The following DMD variants were observed in gnomAD, a reference collection of about 807,000 sequenced individuals.
DMD encodes the protein dystrophin, also known as mutant dystrophin.
In DMD, 63 loss-of-function variants were observed where a neutral mutation model predicts 330.1. The observed-to-expected ratio is 0.19, with a 90% confidence interval of 0.16 to 0.24. The LOEUF (loss-of-function observed/expected upper bound fraction) is 0.24. DMD is among the 10% of genes least tolerant of loss of function. The pLI is 1.00. For missense variants in DMD, 3,344 were observed against 2,684.1 expected (o/e 1.25, Z -5.43); for synonymous variants, 1,223 against 959.8 (o/e 1.27, Z -5.07).
chrX:33,306,303 G>A (rs1379269888), intron 1 of DMD, among the ~76,000 whole-genome samples: 1 of 111,652 alleles, frequency 9.0e-6, no homozygotes, highest in Non-Finnish European at 1.9e-5. Flanking sequence ...AATTTTTAAT[G>A]CATTTACTTA....
At chrX:32,532,485 C>T (rs764780817) in intron 17 of DMD, among the ~76,000 whole-genome samples, 31 of 112,441 alleles carry the variant, frequency 2.8e-4, no homozygotes, top group Admixed American at 5.7e-4. Context: ...ATCCTAGCTG[C>T]GATGCTTCCT....
intron 44 of DMD, among the ~76,000 whole-genome samples, chrX:32,194,186 A>T (rs1359737837): frequency 1.8e-5 from 2 of 112,470 alleles, no homozygotes; most frequent in African/African-American, 6.5e-5. Flanking sequence ...ATAATTTTGA[A>T]AACAAACTTT....
chrX:32,418,972 C>CAAAAAAAA (rs1160282195), intron 29 of DMD, among the ~76,000 whole-genome samples: 246 of 13,498 alleles, frequency 0.018, 48 homozygotes, highest in African/African-American at 0.053. Context: ...GACTCTGTCT[C>CAAAAAAAA]AAAAAAAAAA....
At chrX:31,217,873 C>G (rs1358129776) in intron 64 of DMD, among the ~76,000 whole-genome samples, 1 of 111,758 alleles carries the variant, frequency 8.9e-6, no homozygotes. Context: ...TTTTGGCATA[C>G]TTGAATCTTT....
chrX:32,684,760 G>C lies in DMD; in HGVS notation c.960+13110C>G, dbSNP rs950456861. The stretch of plus-strand genomic sequence containing the variant: ...ATGATATATGGGCTTTTTCGCTTTT[G>C]TCATTTTCTGGCTCATGTTCTTTAT... On this transcript the variant is annotated intron_variant, in intron 9 of 78. Transcript: ENST00000357033. Among the ~76,000 whole-genome samples the C allele has an allele frequency of 1.8e-5, 2 of 110,876 alleles. 1 individual carries two copies.
intron 50 of DMD, among the ~76,000 whole-genome samples, chrX:31,802,768 G>C (rs2092127027): frequency 8.9e-6 from 1 of 111,780 alleles, no homozygotes. Flanking sequence ...TAAATATGCA[G>C]TATGGAATAC....
At chrX:32,519,678 C>G (rs2046234039) in intron 17 of DMD, among the ~76,000 whole-genome samples, 1 of 111,924 alleles carries the variant, frequency 8.9e-6, no homozygotes, top group South Asian at 3.7e-4. Flanking sequence ...AATTTTTTCA[C>G]ATAAACTATC....
intron 53 of DMD, among the ~76,000 whole-genome samples, chrX:31,662,630 C>CAAG (rs1193531715): frequency 1.1e-5 from 1 of 94,636 alleles, no homozygotes; most frequent in Non-Finnish European, 2.2e-5. Context: ...AAAGGAACTT[C>CAAG]AAGAAAGGCA....
At chrX:31,732,600 C>T (rs2086589070) in intron 51 of DMD, among the ~76,000 whole-genome samples, 1 of 111,045 alleles carries the variant, frequency 9.0e-6, no homozygotes, top group Non-Finnish European at 1.9e-5. Flanking sequence ...CTCAAATAAA[C>T]TGACCTTCAC....
chrX:31,266,745 C>A (rs398124085), intron 62 of DMD: 1 of 1,087,449 alleles, frequency 9.2e-7, no homozygotes, highest in Non-Finnish European at 1.3e-6. Flanking sequence ...CAGCTTGCCC[C>A]CTGCTCGCGC....
At chrX:33,054,689 C>T (rs1037846008) in intron 1 of DMD, among the ~76,000 whole-genome samples, 6 of 111,998 alleles carry the variant, frequency 5.4e-5, no homozygotes, top group Admixed American at 9.5e-5. Context: ...ATGTGGAAAA[C>T]TGAATCACAG....
intron 1 of DMD, among the ~76,000 whole-genome samples, chrX:33,068,594 T>C (rs2094698984): frequency 8.9e-6 from 1 of 112,492 alleles, no homozygotes; most frequent in South Asian, 3.6e-4. Flanking sequence ...TGCTTATGTT[T>C]CCGTGTGAGT....
chrX:32,366,831 C>T (rs1263485840), intron 34 of DMD, among the ~76,000 whole-genome samples: 3 of 111,993 alleles, frequency 2.7e-5, no homozygotes, highest in African/African-American at 9.7e-5. Flanking sequence ...AAGACAAAAA[C>T]ACTGTTTCTT....
intron 1 of DMD, among the ~76,000 whole-genome samples, chrX:33,195,732 T>TTTTGTGTGTG (rs544564743): frequency 1.0e-5 from 1 of 97,703 alleles, no homozygotes; most frequent in Non-Finnish European, 2.1e-5. Flanking sequence ...CTGTTCTATT[T>TTTTGTGTGTG]TGTGTGTGTG....
chrX:31,839,281 A>G (rs2093267796), intron 48 of DMD, among the ~76,000 whole-genome samples: 1 of 112,015 alleles, frequency 8.9e-6, no homozygotes, highest in South Asian at 3.7e-4. Context: ...ATTATCCTCT[A>G]TGAGAGTAAG....
intron 9 of DMD, among the ~76,000 whole-genome samples, chrX:32,680,982 T>C: frequency 8.9e-6 from 1 of 112,459 alleles, no homozygotes; most frequent in Middle Eastern, 4.6e-3. Context: ...TTTTCACTGA[T>C]TTCTTCTCCA....
intron 55 of DMD, among the ~76,000 whole-genome samples, chrX:31,530,531 T>C (rs1362872320): frequency 9.1e-6 from 1 of 109,642 alleles, no homozygotes; most frequent in Non-Finnish European, 1.9e-5. Context: ...GATACATTAA[T>C]ACATTGATTA....
chrX:33,284,109 T>TTA lies in DMD; in HGVS notation c.7+55148_7+55149dup, dbSNP rs199757774. On this transcript the variant is annotated intron_variant, in intron 1 of 17. Transcript: ENST00000288447. ...TACAGATGAGTACATGACTATAATT[T>TTA]TATATATATATATAAAATACACATA... Among the ~76,000 whole-genome samples, 404 of 109,967 alleles carry TTA rather than the reference T, an allele frequency of 3.7e-3. 4 individuals carry two copies. The East Asian group carries it at 0.069, about 19-fold the overall frequency.
At chrX:32,295,965 A>G (rs766624924) in intron 42 of DMD, among the ~76,000 whole-genome samples, 1 of 112,462 alleles carries the variant, frequency 8.9e-6, no homozygotes, top group South Asian at 3.7e-4. Context: ...AATATCTGAC[A>G]AATTGAACTT....
Sources: gnomAD v4.1 joint callset for allele counts (sites outside exome capture counted in the v4.1 genomes callset) on GRCh38, gnomAD v4.1.1 for gene constraint, MANE v1.5 for transcripts, NCBI Gene and HGNC (gene_info 2026-07-23, HGNC 2026-07-21) for gene names.